The following SRPK2 variants were observed in gnomAD, a reference collection of about 807,000 sequenced individuals.
SRPK2 encodes the protein SRSF protein kinase 2.
SRPK2 carries 21 observed loss-of-function variants against 90.8 expected under a neutral mutation model. That is an observed-to-expected ratio of 0.23 (90% CI 0.16 to 0.33). The LOEUF (loss-of-function observed/expected upper bound fraction) is 0.33. SRPK2 is among the 10% of genes least tolerant of loss of function. SRPK2 has a pLI of 1.00. For missense variants in SRPK2, 620 were observed against 869.0 expected (o/e 0.71, Z 3.60); for synonymous variants, 288 against 311.1 (o/e 0.93, Z 0.78).
At chr7:105,361,626 T>C (rs908361272) in intron 2 of SRPK2, among the ~76,000 whole-genome samples, 1 of 151,992 alleles carries the variant, frequency 6.6e-6, no homozygotes, top group African/African-American at 2.4e-5. Context: ...CCAAAACAGA[T>C]ATATAGATCA....
chr7:105,362,969 C>T (rs1218439750), intron 2 of SRPK2, among the ~76,000 whole-genome samples: 1 of 152,046 alleles, frequency 6.6e-6, no homozygotes, highest in Non-Finnish European at 1.5e-5. Context: ...CATGTTCTCA[C>T]TCATAGGAAC....
At chr7:105,295,376 C>G (rs1809669275) in intron 2 of SRPK2, among the ~76,000 whole-genome samples, 1 of 151,502 alleles carries the variant, frequency 6.6e-6, no homozygotes, top group Non-Finnish European at 1.5e-5. Context: ...ATATTTCATA[C>G]TAATTACATG....
intron 2 of SRPK2, among the ~76,000 whole-genome samples, chr7:105,247,966 T>C (rs1025876279): frequency 1.3e-5 from 2 of 151,878 alleles, no homozygotes; most frequent in Admixed American, 1.3e-4. Flanking sequence ...GCGAATCTCC[T>C]GCCTCAGCCT....
At chr7:105,256,611 G>T (rs956566692) in intron 2 of SRPK2, among the ~76,000 whole-genome samples, 6 of 152,080 alleles carry the variant, frequency 3.9e-5, no homozygotes, top group African/African-American at 1.4e-4. Flanking sequence ...TCCCACTCTG[G>T]TCTCCCAAAG....
rs1371370954 is a variant in SRPK2, at chr7:105,287,277, AAAAAAAAG to A, written c.72-83500_72-83493del. Reference sequence around the variant, plus strand: ...CTCCGTCTAAAAAAAAAAAAAAAAAAAAAAAAAGAAGAAAAGGATGCAGAAGATCCACA... The same window carrying A: ...CTCCGTCTAAAAAAAAAAAAAAAAAAAAGAAAAGGATGCAGAAGATCCACA... On this transcript the variant is annotated intron_variant, in intron 2 of 15. Transcript: ENST00000393651. Among the ~76,000 whole-genome samples, 8 of 137,320 alleles carry A rather than the reference AAAAAAAAG, an allele frequency of 5.8e-5. No homozygotes were observed. The South Asian group carries it at 9.5e-4, about 16-fold the overall frequency. The allele number at this position is 137,320 out of a possible 152,430, so 90.1% of individuals were successfully genotyped here. A position where few individuals can be genotyped will look rare whatever the true frequency, so the allele number is the denominator to read the frequency against.
At chr7:105,242,135 T>C (rs1800892289) in intron 2 of SRPK2, among the ~76,000 whole-genome samples, 1 of 152,218 alleles carries the variant, frequency 6.6e-6, no homozygotes, top group African/African-American at 2.4e-5. Context: ...AAAATGAATA[T>C]GATATCAAAT....
chr7:105,386,021 AACTCTATCACCGGCCGGGCTTGGTG>A (rs1821539346), intron 2 of SRPK2, among the ~76,000 whole-genome samples: 1 of 152,100 alleles, frequency 6.6e-6, no homozygotes, highest in East Asian at 1.9e-4. Context: ...TCTTGTTCAA[AACTCTATCACCGGCCGGGCTTGGTG>A]GCTCACGCCT....
At position 105,177,132 on chromosome 7, in the gene SRPK2, GA is replaced by G. The variant is rs143244804; in HGVS notation, c.230-7868del. The stretch of plus-strand genomic sequence containing the variant: ...ATTGTCAGGAAAGTGATTAAATCAG[GA>G]AAAAAAAACACATAAAAAAGAGCTG... On this transcript the variant is annotated intron_variant, in intron 3 of 15. Coordinates refer to ENST00000393651, the MANE Select transcript of SRPK2 (RefSeq NM_182692.3). Among the ~76,000 whole-genome samples the G allele has an allele frequency of 3.7e-3, 553 of 148,166 alleles. 4 individuals carry two copies. Among genetic ancestry groups the G allele is most frequent in the African/African-American group, 0.013 (516 of 40,296 alleles).
intron 2 of SRPK2, among the ~76,000 whole-genome samples, chr7:105,237,715 G>A (rs950692432): frequency 1.6e-4 from 24 of 152,352 alleles, no homozygotes; most frequent in Non-Finnish European, 2.9e-5. Flanking sequence ...AATGGGGATA[G>A]GGTCTACAAC....
chr7:105,198,183 T>C (rs1020730152), intron 3 of SRPK2, among the ~76,000 whole-genome samples: 4 of 152,044 alleles, frequency 2.6e-5, no homozygotes, highest in Non-Finnish European at 2.9e-5. Context: ...ACTGATGAAT[T>C]TGTTAAATAT....
chr7:105,364,954 C>T (rs534287114), intron 2 of SRPK2, among the ~76,000 whole-genome samples: 8 of 152,218 alleles, frequency 5.3e-5, no homozygotes, highest in South Asian at 4.1e-4. Flanking sequence ...TCTTGTACAA[C>T]CAAAGGACTG....
At chr7:105,247,564 A>ACAC (rs1554478410) in intron 2 of SRPK2, among the ~76,000 whole-genome samples, 1 of 151,482 alleles carries the variant, frequency 6.6e-6, no homozygotes, top group Non-Finnish European at 1.5e-5. Context: ...ACACACACAG[A>ACAC]AGTTATACCT....
intron 7 of SRPK2, among the ~76,000 whole-genome samples, chr7:105,150,787 G>GA (rs1805533599): frequency 6.6e-6 from 1 of 152,140 alleles, no homozygotes; most frequent in South Asian, 2.1e-4. Flanking sequence ...GAGGTCAAAG[G>GA]AATACGATTT....
At chr7:105,232,717 T>TAA (rs34306095) in intron 2 of SRPK2, among the ~76,000 whole-genome samples, 7 of 150,460 alleles carry the variant, frequency 4.7e-5, no homozygotes, top group South Asian at 2.1e-4. Flanking sequence ...ACAATAATAA[T>TAA]AAAAAAAAAA....
chr7:105,250,928 C>T (rs1286256648), intron 2 of SRPK2, among the ~76,000 whole-genome samples: 1 of 152,034 alleles, frequency 6.6e-6, no homozygotes, highest in African/African-American at 2.4e-5. Context: ...TCTTCAGGAG[C>T]TAGAGGTACT....
At chr7:105,240,598 A>G (rs940160414) in intron 2 of SRPK2, among the ~76,000 whole-genome samples, 3 of 152,174 alleles carry the variant, frequency 2.0e-5, no homozygotes, top group African/African-American at 4.8e-5. Context: ...AGAAAAGGAA[A>G]AAAAAAATGT....
chr7:105,243,658 C>T (rs912834072), intron 2 of SRPK2, among the ~76,000 whole-genome samples: 1 of 148,540 alleles, frequency 6.7e-6, no homozygotes, highest in African/African-American at 2.5e-5. Flanking sequence ...AAACCACATG[C>T]CAAGCAATCT....
intron 15 of SRPK2, among the ~76,000 whole-genome samples, chr7:105,118,702 G>A (rs1215972561): frequency 6.6e-6 from 1 of 152,122 alleles, no homozygotes; most frequent in Non-Finnish European, 1.5e-5. Flanking sequence ...AGGATCCCTT[G>A]AGCCCATGAG....
chr7:105,150,316 C>T (rs1345745561), intron 7 of SRPK2, among the ~76,000 whole-genome samples: 5 of 152,150 alleles, frequency 3.3e-5, no homozygotes, highest in African/African-American at 9.7e-5. Context: ...GCCAGGAGTG[C>T]GAGACCAGCC....
Sources: gnomAD v4.1 joint callset for allele counts (sites outside exome capture counted in the v4.1 genomes callset) on GRCh38, gnomAD v4.1.1 for gene constraint, MANE v1.5 for transcripts, NCBI Gene and HGNC (gene_info 2026-07-23, HGNC 2026-07-21) for gene names.